Variants in ABCG4 observed in about 807,000 individuals in gnomAD.
The protein encoded by ABCG4 is ATP binding cassette subfamily G member 4.
ABCG4 carries 35 observed loss-of-function variants against 64.6 expected under a neutral mutation model. That is an observed-to-expected ratio of 0.54 (90% confidence interval 0.41 to 0.72). ABCG4 has a LOEUF of 0.72. Among genes scored for constraint, ABCG4 ranks in the 30% least tolerant of loss-of-function variants. The pLI, the probability that ABCG4 is intolerant of heterozygous loss-of-function variation, is 0.00. For missense variants in ABCG4, 610 were observed against 846.3 expected (o/e 0.72, Z 3.46); for synonymous variants, 326 against 348.2 (o/e 0.94, Z 0.71).
rs968327139 is a variant in ABCG4, at chr11:119,150,659, G to A, written c.238+456G>A. ...AGTGCTCAGAAGCAGGGAGGGTGGC[G>A]GTTTGGCAGGATAGATGTCATCTCC... On this transcript the variant is annotated intron_variant, in intron 2 of 14. Coordinates refer to ENST00000619701, the MANE Select transcript of ABCG4 (RefSeq NM_022169.5). This position sits in a 1 kb window ranked among gnomAD's most constrained non-coding sequence, Gnocchi z 4.3. Among the ~76,000 whole-genome samples the A allele has an allele frequency of 2.0e-5, 3 of 152,150 alleles. No homozygotes were observed. Among genetic ancestry groups the A allele is most frequent in the Non-Finnish European group, 2.9e-5 (2 of 68,020 alleles).
rs977771344 is a variant in ABCG4, at chr11:119,153,949, A to G, written c.239-77A>G. The G allele has an allele frequency of 4.0e-6, 5 of 1,244,426 alleles. No individual in the cohort carries two copies. In the African/African-American group the frequency reaches 5.9e-5, roughly 15 times the overall value. The allele number at this position is 1,244,426 out of a possible 1,614,324, so 77.1% of individuals were successfully genotyped here. Reference sequence around the variant, plus strand: ...GGGGCTACCTATTTCACTGATAGCCATGGCTGCTCCTAAGAATTTTGGGGG... The same window carrying G: ...GGGGCTACCTATTTCACTGATAGCCGTGGCTGCTCCTAAGAATTTTGGGGG... On this transcript the variant is annotated intron_variant, in intron 2 of 14. Transcript: ENST00000619701.
In ABCG4 at chr11:119,149,847, C is replaced by G; in HGVS notation, c.-12-107C>G. On this transcript the variant is annotated intron_variant, in intron 1 of 14. Coordinates refer to ENST00000619701, the MANE Select transcript of ABCG4 (RefSeq NM_022169.5). This position sits in a 1 kb window ranked among gnomAD's most constrained non-coding sequence, Gnocchi z 8.3. ...GCGGGGCTAACAGTCGCGGATCTGC[C>G]CCGAGAAGGAGGTGGGCAGTGGGGG... 1.4e-6 allele frequency: 2 copies of G among 1,449,674 alleles called. No individual in the cohort carries two copies. Among genetic ancestry groups the G allele is most frequent in the East Asian group, 4.9e-5 (2 of 41,022 alleles). The allele number at this position is 1,449,674 out of a possible 1,614,324, so 89.8% of individuals were successfully genotyped here. A position where few individuals can be genotyped will look rare whatever the true frequency, so the allele number is the denominator to read the frequency against.
Position 119,154,129 on chromosome 11 carries a change from C to G in ABCG4, c.342C>G (p.Ile114Met), listed in dbSNP as rs1465141157. 1 of 1,614,168 alleles carries G rather than the reference C, an allele frequency of 6.2e-7. No homozygotes were observed. The highest frequency in any genetic ancestry group is 8.5e-7 in the Non-Finnish European group (1 of 1,180,026). The change falls in exon 3 of 15, where the codon ATC (isoleucine) becomes ATG (methionine). Residue 114 changes from isoleucine (I) to methionine (M), a missense_variant. By Grantham distance (10) the Ile-to-Met change is conservative (BLOSUM62 1). Transcript: ENST00000619701. This position sits in a 1 kb window ranked among gnomAD's most constrained non-coding sequence, Gnocchi z 7.0. Reference protein sequence around the residue: ...SGAGKSTFMNILAGYRESGMK... With the variant: ...SGAGKSTFMNMLAGYRESGMK... ...CTGGCAAGTCTACATTCATGAACAT[C>G]TTGGCAGGATACAGGTAAGGAAGAG...
rs755353082 is a variant in ABCG4, at chr11:119,158,736, C to G, written c.1336+11C>G. 2.5e-6 allele frequency: 4 copies of G among 1,614,148 alleles called. No homozygotes were observed. Among genetic ancestry groups the G allele is most frequent in the Non-Finnish European group, 3.4e-6 (4 of 1,180,024 alleles). ...CAACTGTGCTCACCTGTGAGCTGAG[C>G]TGCCCTGGGCATGGGGCAAGGGTGT... On this transcript the variant is annotated intron_variant, in intron 11 of 14. Transcript: ENST00000619701. The surrounding 1 kb of genome is among the most constrained non-coding windows in gnomAD (Gnocchi z 4.5).
At position 119,154,197 on chromosome 11, in the gene ABCG4, T is replaced by TG. The variant is rs1458596657; in HGVS notation, c.356+58dup. Reference sequence around the variant, plus strand: ...GCAGGACTCAGGAAGAAGTATCCCTTGGGGAACACAGAAGGTATTCTGAAA... The same window carrying TG: ...GCAGGACTCAGGAAGAAGTATCCCTTGGGGGAACACAGAAGGTATTCTGAAA... On this transcript the variant is annotated intron_variant, in intron 3 of 14. Coordinates refer to ENST00000619701, the MANE Select transcript of ABCG4 (RefSeq NM_022169.5). The surrounding 1 kb of genome is among the most constrained non-coding windows in gnomAD (Gnocchi z 7.0). The TG allele has an allele frequency of 3.7e-6, 6 of 1,613,098 alleles. No homozygotes were observed. The Admixed American group carries it at 1.0e-4, about 27-fold the overall frequency.
chr11:119,151,369 T>C (rs1475072725), intron 2 of ABCG4, among the ~76,000 whole-genome samples: 1 of 152,232 alleles, frequency 6.6e-6, no homozygotes, highest in African/African-American at 2.4e-5. Context: ...AGCCTCATTC[T>C]GCTGTACTGG....
At position 119,156,767 on chromosome 11, in the gene ABCG4, G is replaced by C. The variant is rs2135124753; in HGVS notation, c.925+89G>C. ...CTTGCACTCAGGCCTCCTAGGGGTA[G>C]AGATCTCACCGTCGCCTGCCTTCCC... On this transcript the variant is annotated intron_variant, in intron 8 of 14. Coordinates refer to ENST00000619701, the MANE Select transcript of ABCG4 (RefSeq NM_022169.5). This position sits in a 1 kb window ranked among gnomAD's most constrained non-coding sequence, Gnocchi z 5.5. 1.3e-6 allele frequency: 2 copies of C among 1,590,818 alleles called. No homozygotes were observed. The highest frequency in any genetic ancestry group is 1.7e-6 in the Non-Finnish European group (2 of 1,160,794).
chr11:119,153,992 G>T (rs1218961794), intron 2 of ABCG4, 34 bp from the exon 3 acceptor site: 2 of 1,594,198 alleles, frequency 1.3e-6, no homozygotes, highest in Admixed American at 3.3e-5. Context: ...GTTCACTGCA[G>T]CCTGACTAAA....
Position 119,153,685 on chromosome 11 carries a change from G to A in ABCG4, c.239-341G>A, listed in dbSNP as rs1948222074. On this transcript the variant is annotated intron_variant, in intron 2 of 14. Transcript: ENST00000619701. ...TGTAGTAGTGGGAGTTTTCCTGGAG[G>A]GGGCGAGACAGTGGCCACTGTGATT... 2.2e-5 allele frequency: 5 copies of A among 227,362 alleles called. No homozygotes were observed. The South Asian group carries it at 4.5e-4, about 20-fold the overall frequency. 14.1% of individuals were successfully genotyped at this position (227,362 alleles called of 1,614,324 possible).
rs1451283432 is a variant in ABCG4, at chr11:119,158,565, C to A, written c.1176C>A (p.Thr392=). 1 of 1,614,216 alleles carries A rather than the reference C, an allele frequency of 6.2e-7. No homozygotes were observed. The highest frequency in any genetic ancestry group is 2.2e-5 in the East Asian group (1 of 44,884). Reference sequence around the variant, plus strand: ...TGATGACCCCTCCCAAGGTCCTGACCCACCTACGGTTCATGTCCCACGTGG... The same window carrying A: ...TGATGACCCCTCCCAAGGTCCTGACACACCTACGGTTCATGTCCCACGTGG... ...FLSILRDTVL[T]HLRFMSHVVI... is the part of the protein sequence containing the mutation. The change falls in exon 11 of 15, where the codon ACC becomes ACA. Residue 392 remains threonine (T), a synonymous_variant. Coordinates refer to ENST00000619701, the MANE Select transcript of ABCG4 (RefSeq NM_022169.5). The surrounding 1 kb of genome is among the most constrained non-coding windows in gnomAD (Gnocchi z 4.5).
Position 119,156,507 on chromosome 11 carries a change from G to T in ABCG4, c.810+55G>T. 1 of 1,614,006 alleles carries T rather than the reference G, an allele frequency of 6.2e-7. No homozygotes were observed. ...GGCCTGAGATGGAGGGATGGAAGGG[G>T]GTCAGTAGGGGTGCCTGGCCCGCTG... On this transcript the variant is annotated intron_variant, in intron 7 of 14. Transcript: ENST00000619701. This position sits in a 1 kb window ranked among gnomAD's most constrained non-coding sequence, Gnocchi z 5.5.
At position 119,155,071 on chromosome 11, in the gene ABCG4, T is replaced by C. The variant is rs183501592; in HGVS notation, c.686+156T>C. Among the ~76,000 whole-genome samples the C allele has an allele frequency of 6.6e-6, 1 of 152,342 alleles. No individual in the cohort carries two copies. The highest frequency in any genetic ancestry group is 6.5e-5 in the Admixed American group (1 of 15,302). On this transcript the variant is annotated intron_variant, in intron 6 of 14. Coordinates refer to ENST00000619701, the MANE Select transcript of ABCG4 (RefSeq NM_022169.5). The surrounding 1 kb of genome is among the most constrained non-coding windows in gnomAD (Gnocchi z 4.5). The stretch of plus-strand genomic sequence containing the variant: ...TCCTCATCTCCACCCTTGCCAATTC[T>C]GTTGCTGTGAGCTGCCCCATCCTTC...
Position 119,156,052 on chromosome 11 carries a change from T to C in ABCG4, c.687-277T>C. 1 of 420,058 alleles carries C rather than the reference T, an allele frequency of 2.4e-6. No individual in the cohort carries two copies. The highest frequency in any genetic ancestry group is 4.4e-6 in the Non-Finnish European group (1 of 228,036). The allele number at this position is 420,058 out of a possible 1,614,324, so 26.0% of individuals were successfully genotyped here. On this transcript the variant is annotated intron_variant, in intron 6 of 14. Transcript: ENST00000619701. This position sits in a 1 kb window ranked among gnomAD's most constrained non-coding sequence, Gnocchi z 5.5. ...AAAATCATCTGTGTGCTTGTCTCTC[T>C]CTCCTTCCAGACCAGAGTCTATGTC...
rs1565812007 is a variant in ABCG4 at position 119,149,950 on chromosome 11, G to A, written c.-12-4G>A. The A allele has an allele frequency of 1.2e-6, 2 of 1,600,460 alleles. No individual in the cohort carries two copies. The highest frequency in any genetic ancestry group is 1.7e-6 in the Non-Finnish European group (2 of 1,178,924). ...CCCAAACTGAGCAGGCCCTCCCCTT[G>A]CAGGTCGGCGGCGTGATGGCGGAGA... On this transcript the variant is annotated splice_region_variant and splice_polypyrimidine_tract_variant and intron_variant, in intron 1 of 14. Coordinates refer to ENST00000619701, the MANE Select transcript of ABCG4 (RefSeq NM_022169.5). This position sits in a 1 kb window ranked among gnomAD's most constrained non-coding sequence, Gnocchi z 8.3.
chr11:119,149,924 C>T lies in ABCG4; in HGVS notation c.-12-30C>T, dbSNP rs892611195. On this transcript the variant is annotated intron_variant, in intron 1 of 14. Coordinates refer to ENST00000619701, the MANE Select transcript of ABCG4 (RefSeq NM_022169.5). The surrounding 1 kb of genome is among the most constrained non-coding windows in gnomAD (Gnocchi z 8.3). ...GCTTTGAGCCGGGCTCGGTGGTCTG[C>T]CCCAAACTGAGCAGGCCCTCCCCTT... 1.9e-6 allele frequency: 3 copies of T among 1,589,078 alleles called. No homozygotes were observed. The highest frequency in any genetic ancestry group is 1.1e-5 in the South Asian group (1 of 89,680).
At chr11:119,157,221 T>G (rs1008794748) in intron 9 of ABCG4, among the ~76,000 whole-genome samples, 2 of 152,234 alleles carry the variant, frequency 1.3e-5, no homozygotes, top group African/African-American at 2.4e-5. Context: ...GTTTCCTCAT[T>G]GACTTATTCA....
Position 119,160,184 on chromosome 11 carries a change from C to G in ABCG4, c.1438-43C>G, listed in dbSNP as rs752523915. 6.3e-7 allele frequency: 1 copy of G among 1,577,422 alleles called. No homozygotes were observed. On this transcript the variant is annotated intron_variant, in intron 12 of 14. Coordinates refer to ENST00000619701, the MANE Select transcript of ABCG4 (RefSeq NM_022169.5). This position sits in a 1 kb window ranked among gnomAD's most constrained non-coding sequence, Gnocchi z 4.6. ...GGAGTGGAGGTCTTGGCTGCTGTGC[C>G]CCTGGCTTGAAGTCCACTGTCCAGC...
rs374088153 is a variant in ABCG4 at position 119,149,637 on chromosome 11, C to G, written c.-13+274C>G. 4 of 354,384 alleles carry G rather than the reference C, an allele frequency of 1.1e-5. No homozygotes were observed. Among genetic ancestry groups the G allele is most frequent in the East Asian group, 1.0e-4 (2 of 19,900 alleles). 22.0% of individuals were successfully genotyped at this position (354,384 alleles called of 1,614,324 possible). ...AGCGGGCAGCCTCTGCCGGCTGCCT[C>G]TTCTCCCCCGCCCCCTATTCCTTCA... On this transcript the variant is annotated intron_variant, in intron 1 of 14. Coordinates refer to ENST00000619701, the MANE Select transcript of ABCG4 (RefSeq NM_022169.5). This position sits in a 1 kb window ranked among gnomAD's most constrained non-coding sequence, Gnocchi z 8.3.
At chr11:119,152,631 C>G (rs1442354139) in intron 2 of ABCG4, among the ~76,000 whole-genome samples, 1 of 152,176 alleles carries the variant, frequency 6.6e-6, no homozygotes, top group Non-Finnish European at 1.5e-5. Flanking sequence ...TTCATCCTTC[C>G]CCTCCACTTC....
Sources: gnomAD v4.1 joint callset for allele counts (sites outside exome capture counted in the v4.1 genomes callset) on GRCh38, gnomAD v4.1.1 for gene constraint, Gnocchi (gnomAD v3.1) non-coding constraint, MANE v1.5 for transcripts, NCBI Gene and HGNC (gene_info 2026-07-23, HGNC 2026-07-21) for gene names.